The following RASEF variants were observed in gnomAD, a reference collection of about 807,000 sequenced individuals.
RASEF encodes the protein ras and EF-hand domain-containing protein.
RASEF carries 68 observed loss-of-function variants against 90.1 expected under a neutral mutation model. The observed-to-expected ratio is 0.75, with a 90% confidence interval of 0.62 to 0.92. The LOEUF is 0.92. RASEF is among the 40% of genes least tolerant of loss of function. The probability of loss-of-function intolerance (pLI) is 0.00; values close to 1 mark genes in which losing one functional copy is unlikely to be tolerated. For missense variants in RASEF, 949 were observed against 937.2 expected, an observed-to-expected ratio of 1.01 and a Z score of -0.16; for synonymous variants, 331 against 345.2, an observed-to-expected ratio of 0.96 and a Z score of 0.46.
intron 1 of RASEF, among the ~76,000 whole-genome samples, chr9:83,030,254 G>A (rs1044312176): frequency 1.3e-5 from 2 of 152,062 alleles, no homozygotes; most frequent in Non-Finnish European, 2.9e-5. Context: ...CTACTCGGGA[G>A]GCTGAGACAG....
chr9:83,087,370 A>G, the RASEF span, among the ~76,000 whole-genome samples: 1 of 150,148 alleles, frequency 6.7e-6, no homozygotes, highest in Non-Finnish European at 1.5e-5. Context: ...CAGAAGAGAC[A>G]CCAGAGAATT....
At chr9:83,198,930 C>G in the RASEF span, among the ~76,000 whole-genome samples, 1 of 151,768 alleles carries the variant, frequency 6.6e-6, no homozygotes, top group Non-Finnish European at 1.5e-5. Flanking sequence ...ATGAAAGAAA[C>G]AAAAAGAACT....
At chr9:83,144,391 G>GGAAGGAAAGAAAGAAAGAAAGAAA in the RASEF span, among the ~76,000 whole-genome samples, 545 of 33,216 alleles carry the variant, frequency 0.016, 40 homozygotes, top group East Asian at 0.025. Context: ...AAGAAAGAAA[G>GGAAGGAAAGAAAGAAAGAAAGAAA]GAAAGAAAGA....
chr9:83,047,413 T>C (rs1198217052), intron 1 of RASEF, among the ~76,000 whole-genome samples: 2 of 152,180 alleles, frequency 1.3e-5, no homozygotes, highest in African/African-American at 4.8e-5. Flanking sequence ...AAAACAATAC[T>C]ACAATACCAG....
chr9:83,183,160 A>G, the RASEF span, among the ~76,000 whole-genome samples: 1 of 151,030 alleles, frequency 6.6e-6, no homozygotes, highest in African/African-American at 2.4e-5. Context: ...CTTTAAACAG[A>G]TGCATTTTTC....
At chr9:83,207,036 A>T in the RASEF span, among the ~76,000 whole-genome samples, 1 of 152,194 alleles carries the variant, frequency 6.6e-6, no homozygotes, top group Non-Finnish European at 1.5e-5. Context: ...CTGGAAAGGT[A>T]AAGAGGAGTT....
chr9:83,166,954 G>C, the RASEF span, among the ~76,000 whole-genome samples: 1 of 152,162 alleles, frequency 6.6e-6, no homozygotes, highest in African/African-American at 2.4e-5. Flanking sequence ...CTCTTTAAGG[G>C]TATGGGTTTA....
At chr9:83,190,256 T>C in the RASEF span, among the ~76,000 whole-genome samples, 3 of 152,214 alleles carry the variant, frequency 2.0e-5, no homozygotes, top group African/African-American at 4.8e-5. Context: ...CTAAACTATA[T>C]GTACAATATA....
chr9:83,009,801 C>T (rs372843660), intron 5 of RASEF, 45 bp from the exon 6 acceptor site: 1 of 1,226,486 alleles, frequency 8.2e-7, no homozygotes, highest in African/African-American at 1.5e-5. Context: ...AGATTTTCCT[C>T]TGCCTGGGAG....
rs759442725 is a variant in RASEF at position 83,000,232 on chromosome 9, T to TC, written c.1659dup (p.Lys554GlufsTer3). 4 of 1,614,002 alleles carry TC rather than the reference T, an allele frequency of 2.5e-6. No homozygotes were observed. The highest frequency in any genetic ancestry group is 2.5e-6 in the Non-Finnish European group (3 of 1,179,970). Reference sequence around the variant, plus strand: ...CAAAGTCTCATGAGGAAACTAGACTTCCCCACTGCAGCGTCCCCAGCAAGT... The same window carrying TC: ...CAAAGTCTCATGAGGAAACTAGACTTCCCCCACTGCAGCGTCCCCAGCAAGT... On this transcript the variant is annotated frameshift_variant, in exon 12 of 17. Transcript: ENST00000376447. LOFTEE classifies it high-confidence loss of function.
chr9:83,200,554 G>A, the RASEF span, among the ~76,000 whole-genome samples: 13 of 151,928 alleles, frequency 8.6e-5, no homozygotes, highest in South Asian at 6.2e-4. Flanking sequence ...GAGACACTCC[G>A]GCCACTGTAT....
chr9:82,990,493 A>C, intron 15 of RASEF, 26 bp from the exon 16 acceptor site: 2 of 1,535,592 alleles, frequency 1.3e-6, no homozygotes, highest in Middle Eastern at 3.4e-4. Context: ...ACACACAATT[A>C]AATGAAGCCC....
the RASEF span, among the ~76,000 whole-genome samples, chr9:83,208,854 C>A: frequency 1.3e-5 from 2 of 152,108 alleles, no homozygotes; most frequent in East Asian, 3.9e-4. Flanking sequence ...CTCAGATAAC[C>A]CTTTTTCTTA....
the RASEF span, among the ~76,000 whole-genome samples, chr9:83,170,908 T>C: frequency 6.6e-6 from 1 of 151,912 alleles, no homozygotes; most frequent in Admixed American, 6.6e-5. Flanking sequence ...TTTGGTTGCC[T>C]TTTCTGTCTT....
At chr9:83,097,690 A>T in the RASEF span, among the ~76,000 whole-genome samples, 1 of 152,202 alleles carries the variant, frequency 6.6e-6, no homozygotes, top group African/African-American at 2.4e-5. Context: ...TGCAAATCAA[A>T]ACCACAATGA....
At chr9:83,007,373 G>C (rs1301768140) in intron 7 of RASEF, 64 bp downstream of exon 7, 23 of 1,282,568 alleles carry the variant, frequency 1.8e-5, no homozygotes, top group South Asian at 1.7e-4. Context: ...TATGTGTTAT[G>C]TCTTTTATTA....
the RASEF span, among the ~76,000 whole-genome samples, chr9:83,164,305 A>C: frequency 6.8e-6 from 1 of 147,968 alleles, no homozygotes; most frequent in Admixed American, 6.8e-5. Flanking sequence ...TCAAAAAAAT[A>C]ATAGCGACAA....
At chr9:83,144,391 G>GGAAGGAAAGAAAGAAA in the RASEF span, among the ~76,000 whole-genome samples, 78 of 33,240 alleles carry the variant, frequency 2.3e-3, 4 homozygotes, top group South Asian at 0.03. Flanking sequence ...AAGAAAGAAA[G>GGAAGGAAAGAAAGAAA]GAAAGAAAGA....
the RASEF span, among the ~76,000 whole-genome samples, chr9:83,213,457 AAAG>A: frequency 2.0e-5 from 3 of 152,148 alleles, no homozygotes; most frequent in Admixed American, 2.0e-4. Flanking sequence ...ACATATTCTA[AAAG>A]AAGACTTTCC....
Sources: allele counts gnomAD v4.1 joint callset (sites outside exome capture counted in the v4.1 genomes callset), GRCh38; gene constraint gnomAD v4.1.1; transcripts MANE v1.5; gene names NCBI Gene and HGNC (gene_info 2026-07-23, HGNC 2026-07-21).